LCT: variants seen among roughly 807,000 people sequenced by gnomAD.
LCT encodes lactase.
LCT carries 90 observed loss-of-function variants against 173.0 expected under a neutral mutation model. The ratio of observed to expected loss-of-function variants is 0.52; its 90% CI spans 0.44 to 0.62. The LOEUF is 0.62. Ranked by LOEUF, LCT falls within the 20% of genes least tolerant of loss-of-function variation. The probability of loss-of-function intolerance (pLI) is 0.00; values close to 1 mark genes in which losing one functional copy is unlikely to be tolerated. For missense variants in LCT, 1,864 were observed against 2,431.4 expected, an observed-to-expected ratio of 0.77 and a Z score of 4.91; for synonymous variants, 853 against 957.6, an observed-to-expected ratio of 0.89 and a Z score of 2.02.
intron 1 of LCT, among the ~76,000 whole-genome samples, chr2:135,835,482 G>GTATATATA (rs55900419): frequency 1.6e-4 from 11 of 67,948 alleles, no homozygotes; most frequent in Non-Finnish European, 2.9e-4. Flanking sequence ...GAACATAGAA[G>GTATATATA]TATATATATA....
intron 12 of LCT, among the ~76,000 whole-genome samples, chr2:135,798,955 C>T (rs2077604321): frequency 6.6e-6 from 1 of 152,168 alleles, no homozygotes; most frequent in East Asian, 1.9e-4. Context: ...TAGTCCATGG[C>T]TGCAGTATCA....
At chr2:135,831,983 G>A (rs1176560465) in intron 2 of LCT, among the ~76,000 whole-genome samples, 1 of 152,146 alleles carries the variant, frequency 6.6e-6, no homozygotes, top group Non-Finnish European at 1.5e-5. Context: ...TTGGGAGGCC[G>A]AGGCAGGTGG....
At chr2:135,794,611 T>C in intron 14 of LCT, 30 bp downstream of exon 14, 4 of 1,612,474 alleles carry the variant, frequency 2.5e-6, no homozygotes, top group Non-Finnish European at 2.5e-6. Flanking sequence ...TTTCCAGAGA[T>C]GGCTCCGGGC....
chr2:135,789,620 A>G lies in LCT; in HGVS notation c.5514T>C (p.Asn1838=). Residue 1838 remains asparagine, a synonymous_variant, in exon 16 of 17, where the codon AAT becomes AAC. Transcript: ENST00000264162. ...GCCCTGTAGCGGGGTCAGGGAAGCC[A>G]TTGCATCGGACCACAGAGGCGTAGA... ...AKFYASVVRC[N]GFPDPATGPH... is the part of the protein sequence containing the mutation. 1 of 1,614,108 alleles carries G rather than the reference A, an allele frequency of 6.2e-7. No homozygotes were observed. Among genetic ancestry groups the G allele is most frequent in the Non-Finnish European group, 8.5e-7 (1 of 1,180,014 alleles).
intron 9 of LCT, 26 bp from the exon 10 acceptor site, chr2:135,805,083 T>C (rs2077658933): frequency 1.9e-6 from 3 of 1,612,202 alleles, no homozygotes; most frequent in South Asian, 2.2e-5. Context: ...CATGGTCTTA[T>C]TAAGTCATTC....
At position 135,804,805 on chromosome 2, in the gene LCT, G is replaced by A. The variant is rs200322782; in HGVS notation, c.4426C>T (p.Leu1476Phe). ...NEAGLNYYVRLIDTLLAASIQ... is the reference protein window; with the variant it reads ...NEAGLNYYVRFIDTLLAASIQ... ...CTGGCGGCCAGCAGTGTATCGATGAGCCTCACGTAGTAGTTCAGGCCCGCT... is the reference window on the plus strand; with the variant it reads ...CTGGCGGCCAGCAGTGTATCGATGAACCTCACGTAGTAGTTCAGGCCCGCT... Residue 1476 changes from leucine to phenylalanine, a missense_variant, in exon 10 of 17, where the codon CTC becomes TTC. Physicochemically the swap from Leu to Phe is conservative, Grantham distance 22 (BLOSUM62 0). Coordinates refer to ENST00000264162, the MANE Select transcript of LCT (RefSeq NM_002299.4). The A allele has an allele frequency of 6.2e-7, 1 of 1,613,414 alleles. No homozygotes were observed. Among genetic ancestry groups the A allele is most frequent in the Admixed American group, 1.7e-5 (1 of 60,038 alleles).
rs2077713411 is a variant in LCT, at chr2:135,809,445, C to G, written c.2902G>C (p.Ala968Pro). 6.2e-7 allele frequency: 1 copy of G among 1,614,090 alleles called. No homozygotes were observed. Among genetic ancestry groups the G allele is most frequent in the African/African-American group, 1.3e-5 (1 of 74,938 alleles). The stretch of plus-strand genomic sequence containing the variant: ...AAGCGGTAGGCCTTCACCTTCAAAG[C>G]TCGGAGCATATTCAGATCGGCATCC... ...QLDADLNMLR[A>P]LKVKAYRFSI... Residue 968 changes from alanine to proline, a missense_variant, in exon 8 of 17, where the codon GCT becomes CCT. By Grantham distance (27) the Ala-to-Pro change is conservative. Coordinates refer to ENST00000264162, the MANE Select transcript of LCT (RefSeq NM_002299.4). This position sits in a 1 kb window ranked among gnomAD's most constrained non-coding sequence, Gnocchi z 5.5.
In LCT at chr2:135,817,544, G is replaced by A; in HGVS notation, c.1504C>T (p.Gln502Ter). ...CATCCACCATGATCCTGCAGGGCCT[G>A]AGGCAGGTCCCAGTGGAACAGCGTG... ...MATLFHWDLPQALQDHGGWQN... is the reference protein window; with the variant it reads ...MATLFHWDLP The change falls in exon 6 of 17, where the codon CAG becomes TAG. Residue 502 changes from glutamine to a stop codon, truncating the protein, a stop_gained. Coordinates refer to ENST00000264162, the MANE Select transcript of LCT (RefSeq NM_002299.4). LOFTEE classifies it high-confidence loss of function. The A allele has an allele frequency of 6.2e-7, 1 of 1,614,186 alleles. No individual in the cohort carries two copies. Among genetic ancestry groups the A allele is most frequent in the Non-Finnish European group, 8.5e-7 (1 of 1,180,028 alleles).
At chr2:135,811,034 A>G (rs1314809912) in intron 7 of LCT, among the ~76,000 whole-genome samples, 1 of 151,716 alleles carries the variant, frequency 6.6e-6, no homozygotes, top group African/African-American at 2.4e-5. Flanking sequence ...CTCAAAAAAA[A>G]AAAAAGAAAA....
intron 4 of LCT, 200 bp from the exon 5 acceptor site, chr2:135,822,298 C>T (rs1393534524): frequency 1.8e-6 from 1 of 565,626 alleles, no homozygotes; most frequent in Non-Finnish European, 3.2e-6. Context: ...AAGTGGTTCT[C>T]AAACTTCAAG....
At chr2:135,823,798 C>T (rs1371036733) in intron 4 of LCT, 103 bp downstream of exon 4, 7 of 791,598 alleles carry the variant, frequency 8.8e-6, no homozygotes, top group Admixed American at 3.9e-5. Flanking sequence ...AGTCTTCCTC[C>T]CATGCTCCTC....
At chr2:135,789,534 C>T (rs2077518128) in intron 16 of LCT, 37 bp downstream of exon 16, 3 of 1,503,414 alleles carry the variant, frequency 2.0e-6, no homozygotes, top group Admixed American at 3.3e-5. Context: ...CTGCCCTTCA[C>T]CCTTAGGCTT....
At chr2:135,796,736 C>T (rs1409432633) in intron 13 of LCT, among the ~76,000 whole-genome samples, 1 of 152,116 alleles carries the variant, frequency 6.6e-6, no homozygotes, top group Non-Finnish European at 1.5e-5. Flanking sequence ...CTTGAGGAGC[C>T]GAATGGAATC....
At chr2:135,832,068 T>C (rs913679553) in intron 2 of LCT, among the ~76,000 whole-genome samples, 7 of 151,252 alleles carry the variant, frequency 4.6e-5, no homozygotes, top group African/African-American at 1.7e-4. Context: ...AATACAAAAT[T>C]AGCCGGGCGT....
intron 2 of LCT, among the ~76,000 whole-genome samples, chr2:135,830,838 T>C (rs2077931596): frequency 6.6e-6 from 1 of 152,230 alleles, no homozygotes; most frequent in African/African-American, 2.4e-5. Flanking sequence ...CCTCTGAAAG[T>C]CACACTGTGT....
At chr2:135,833,314 G>C (rs1414801437) in intron 1 of LCT, 124 bp from the exon 2 acceptor site, 1 of 781,948 alleles carries the variant, frequency 1.3e-6, no homozygotes, top group Admixed American at 1.8e-5. Flanking sequence ...TACTCTAGCT[G>C]AAAGATTTTA....
chr2:135,830,275 C>G (rs2105555247), intron 2 of LCT, among the ~76,000 whole-genome samples: 1 of 152,126 alleles, frequency 6.6e-6, no homozygotes, highest in South Asian at 2.1e-4. Flanking sequence ...CGTCGACACC[C>G]CCATCCACAC....
At chr2:135,828,649 A>G (rs932685458) in intron 3 of LCT, among the ~76,000 whole-genome samples, 1 of 152,030 alleles carries the variant, frequency 6.6e-6, no homozygotes, top group Non-Finnish European at 1.5e-5. Context: ...AATAGTTGGG[A>G]CTCCAGGGAA....
rs1679398483 is a variant in LCT, at chr2:135,836,715, G to A, written c.455C>T (p.Ala152Val). 1 of 1,614,156 alleles carries A rather than the reference G, an allele frequency of 6.2e-7. No individual in the cohort carries two copies. The highest frequency in any genetic ancestry group is 8.5e-7 in the Non-Finnish European group (1 of 1,180,020). Residue 152 changes from alanine to valine, a missense_variant, in exon 1 of 17, where the codon GCC (alanine) becomes GTC (valine). By Grantham distance (64) the Ala-to-Val change is moderately conservative. Transcript: ENST00000264162. ...GTGGAAGGCGAATGTGGCATAGTCG[G>A]CGAAGAGGTCAGCAAAGGCTTCGGT... ...RRTEAFADLF[A>V]DYATFAFHSF...
Sources: allele counts gnomAD v4.1 joint callset (sites outside exome capture counted in the v4.1 genomes callset), GRCh38; gene constraint gnomAD v4.1.1; non-coding constraint Gnocchi (gnomAD v3.1); transcripts MANE v1.5; gene names NCBI Gene and HGNC (gene_info 2026-07-23, HGNC 2026-07-21).